The following RNF150 variants were observed in gnomAD, a reference collection of about 807,000 sequenced individuals.
RNF150 encodes ring finger protein 150.
A neutral mutation model predicts 39.3 loss-of-function variants in RNF150; 24 were observed. The observed-to-expected ratio is 0.61, with a 90% confidence interval of 0.44 to 0.86. The LOEUF (loss-of-function observed/expected upper bound fraction) is 0.86, where lower values mean the gene tolerates loss of function less well. RNF150 is among the 40% of genes least tolerant of loss of function. The pLI is 0.00. For synonymous variants in RNF150, 255 were observed against 227.3 expected (o/e 1.12, Z -1.10); for missense variants, 502 against 587.8 (o/e 0.85, Z 1.51).
In RNF150 at chr4:140,949,388, G is replaced by A. The variant is rs532696469; in HGVS notation, c.736-16C>T. 26 of 1,609,082 alleles carry A rather than the reference G, an allele frequency of 1.6e-5. No homozygotes were observed. The highest frequency in any genetic ancestry group is 1.6e-4 in the Middle Eastern group (1 of 6,070). On this transcript the variant is annotated splice_polypyrimidine_tract_variant and intron_variant, in intron 2 of 6. Coordinates refer to ENST00000515673, the MANE Select transcript of RNF150 (RefSeq NM_020724.2). ...CCAGTCGGCGCTGAAAAGCCAAAAC[G>A]TGCTTGTTAATAATAAAGATCTGTA...
intron 1 of RNF150, among the ~76,000 whole-genome samples, chr4:141,113,233 G>C (rs541185474): frequency 6.6e-6 from 1 of 151,076 alleles, no homozygotes; most frequent in Non-Finnish European, 1.5e-5. Flanking sequence ...CTGTCAATTT[G>C]TCAAGACCCA....
chr4:141,015,725 A>G (rs753373991), intron 1 of RNF150, among the ~76,000 whole-genome samples: 20 of 152,038 alleles, frequency 1.3e-4, no homozygotes, highest in Non-Finnish European at 2.5e-4. Flanking sequence ...TTCTTTTCCT[A>G]TTAGGATGCA....
At chr4:141,187,902 G>T (rs188852317) in intron 1 of RNF150, among the ~76,000 whole-genome samples, 15 of 152,158 alleles carry the variant, frequency 9.9e-5, no homozygotes, top group Admixed American at 6.5e-4. Context: ...ATGTTAGCTG[G>T]TTTTTTTGCA....
intron 1 of RNF150, among the ~76,000 whole-genome samples, chr4:141,003,150 G>T (rs1162198015): frequency 6.6e-6 from 1 of 152,078 alleles, no homozygotes; most frequent in East Asian, 1.9e-4. Flanking sequence ...CCAAGCAGGA[G>T]AGGTAAAAAT....
intron 1 of RNF150, among the ~76,000 whole-genome samples, chr4:141,191,501 G>A (rs1004544508): frequency 1.3e-5 from 2 of 152,138 alleles, no homozygotes; most frequent in Non-Finnish European, 2.9e-5. Flanking sequence ...GTATCTATTT[G>A]TAAAAATGTA....
chr4:140,876,139 A>G (rs1211463799), intron 6 of RNF150, among the ~76,000 whole-genome samples: 2 of 152,218 alleles, frequency 1.3e-5, no homozygotes, highest in Non-Finnish European at 2.9e-5. Flanking sequence ...GTAAGGTTTC[A>G]AAGAAAAATG....
chr4:141,136,397 T>A (rs1727027966), upstream of RNF150, among the ~76,000 whole-genome samples: 1 of 152,230 alleles, frequency 6.6e-6, no homozygotes. Flanking sequence ...TTCCACTAGC[T>A]ACACTTTCAG....
At chr4:141,086,509 G>T (rs1296255299) in intron 1 of RNF150, among the ~76,000 whole-genome samples, 1 of 151,866 alleles carries the variant, frequency 6.6e-6, no homozygotes, top group Non-Finnish European at 1.5e-5. Context: ...TTAGTAGAGG[G>T]TATGTACAAA....
intron 6 of RNF150, among the ~76,000 whole-genome samples, chr4:140,888,858 A>G (rs1729665994): frequency 1.3e-5 from 2 of 152,174 alleles, no homozygotes; most frequent in Admixed American, 1.3e-4. Context: ...TCCTTAATAA[A>G]AAGTAGGCTA....
At chr4:141,096,105 G>A (rs1738763924) in intron 1 of RNF150, among the ~76,000 whole-genome samples, 1 of 150,986 alleles carries the variant, frequency 6.6e-6, no homozygotes, top group Non-Finnish European at 1.5e-5. Context: ...TTGATATGCT[G>A]CTGTTTTTGT....
intron 1 of RNF150, among the ~76,000 whole-genome samples, chr4:141,119,727 G>A (rs1392049423): frequency 6.6e-6 from 1 of 152,142 alleles, no homozygotes; most frequent in African/African-American, 2.4e-5. Flanking sequence ...CTGAACAGAA[G>A]CCCAAGGATT....
At chr4:140,870,401 C>T (rs1172094292) in intron 6 of RNF150, among the ~76,000 whole-genome samples, 3 of 152,042 alleles carry the variant, frequency 2.0e-5, no homozygotes, top group Admixed American at 6.6e-5. Flanking sequence ...CACTTCACTA[C>T]AAAATACATT....
chr4:140,881,837 T>C (rs1407384940), intron 6 of RNF150, among the ~76,000 whole-genome samples: 3 of 152,090 alleles, frequency 2.0e-5, no homozygotes, highest in Admixed American at 2.0e-4. Context: ...GCTATGATCA[T>C]GTCACTGCAT....
chr4:141,086,429 T>A lies in RNF150; in HGVS notation c.484+45896A>T, dbSNP rs143464765. ...TAATAATAATATCTGACTTTATCCC[T>A]ATTAATGCTTTTGCTTTAATTTGAA... On this transcript the variant is annotated intron_variant, in intron 1 of 6. Transcript: ENST00000515673. 8.4e-4 allele frequency among the ~76,000 whole-genome samples: 128 copies of A among 152,298 alleles called. 1 individual carries two copies. The highest frequency in any genetic ancestry group is 3.0e-3 in the African/African-American group (126 of 41,562).
At position 140,866,934 on chromosome 4, in the gene RNF150, T is replaced by A. The variant is rs1346000966; in HGVS notation, c.*1327A>T. The A allele has an allele frequency of 6.6e-6, 1 of 152,220 alleles. No individual in the cohort carries two copies. Among genetic ancestry groups the A allele is most frequent in the Non-Finnish European group, 1.5e-5 (1 of 68,044 alleles). 9.4% of individuals were successfully genotyped at this position (152,220 alleles called of 1,614,324 possible). A position where few individuals can be genotyped will look rare whatever the true frequency, so the allele number is the denominator to read the frequency against. ...AAAGATGAATAAAAACAGAAACAGTTTAAAAACACCATTGGGTTTCAGTAT... is the reference window on the plus strand; with the variant it reads ...AAAGATGAATAAAAACAGAAACAGTATAAAAACACCATTGGGTTTCAGTAT... On this transcript the variant is annotated 3_prime_UTR_variant, in exon 7 of 7. Coordinates refer to ENST00000515673, the MANE Select transcript of RNF150 (RefSeq NM_020724.2).
At chr4:140,947,581 CG>C in intron 4 of RNF150, 72 bp downstream of exon 4, 1 of 1,050,256 alleles carries the variant, frequency 9.5e-7, no homozygotes, top group South Asian at 1.3e-5. Flanking sequence ...CCCAGCAGGT[CG>C]GGGCCAGGGA....
At chr4:141,190,534 T>C (rs906457484) in intron 1 of RNF150, among the ~76,000 whole-genome samples, 3 of 152,106 alleles carry the variant, frequency 2.0e-5, no homozygotes, top group Non-Finnish European at 4.4e-5. Context: ...CACCAACAAC[T>C]TGAATGAGCT....
At chr4:141,170,309 A>G (rs1727688971) in intron 1 of RNF150, among the ~76,000 whole-genome samples, 1 of 152,220 alleles carries the variant, frequency 6.6e-6, no homozygotes, top group Non-Finnish European at 1.5e-5. Flanking sequence ...GAACTTTATC[A>G]TATAGATGAC....
At chr4:141,190,094 C>T (rs1316923442) in intron 1 of RNF150, among the ~76,000 whole-genome samples, 1 of 152,136 alleles carries the variant, frequency 6.6e-6, no homozygotes, top group Non-Finnish European at 1.5e-5. Flanking sequence ...GTTCACTGGC[C>T]CCTTGCACTT....
Sources: gnomAD v4.1 joint callset for allele counts (sites outside exome capture counted in the v4.1 genomes callset) on GRCh38, gnomAD v4.1.1 for gene constraint, MANE v1.5 for transcripts, NCBI Gene and HGNC (gene_info 2026-07-23, HGNC 2026-07-21) for gene names.